ARMC9: variants seen among roughly 807,000 people sequenced by gnomAD.
ARMC9 encodes armadillo repeat containing 9, also known as lisH domain-containing protein ARMC9.
ARMC9 carries 94 observed loss-of-function variants against 107.0 expected under a neutral mutation model. The observed-to-expected ratio is 0.88, with a 90% CI of 0.74 to 1.04. The LOEUF is 1.04. Ranked by LOEUF, ARMC9 falls within the 50% of genes least tolerant of loss-of-function variation. The pLI is 0.00. For missense variants in ARMC9, 942 were observed against 1,030.1 expected, an observed-to-expected ratio of 0.91 and a Z score of 1.17; for synonymous variants, 380 against 396.9, an observed-to-expected ratio of 0.96 and a Z score of 0.51.
intron 5 of ARMC9, among the ~76,000 whole-genome samples, chr2:231,217,781 C>G (rs1417148042): frequency 6.6e-6 from 1 of 152,100 alleles, no homozygotes; most frequent in African/African-American, 2.4e-5. Context: ...ACCTCTGCCT[C>G]CTGGGTTGAA....
chr2:231,348,137 T>C (rs2044885726), intron 21 of ARMC9, among the ~76,000 whole-genome samples: 1 of 152,220 alleles, frequency 6.6e-6, no homozygotes, highest in Non-Finnish European at 1.5e-5. Context: ...AAAAGGACTT[T>C]GCTGATGTGA....
intron 19 of ARMC9, among the ~76,000 whole-genome samples, chr2:231,300,914 G>C (rs1428904358): frequency 1.3e-5 from 2 of 152,128 alleles, no homozygotes; most frequent in Non-Finnish European, 2.9e-5. Flanking sequence ...GAAGGGTGTG[G>C]CCAGCAGGGG....
intron 7 of ARMC9, among the ~76,000 whole-genome samples, chr2:231,229,629 C>T (rs1009893022): frequency 6.6e-6 from 1 of 151,992 alleles, no homozygotes; most frequent in Non-Finnish European, 1.5e-5. Context: ...AGTTTGGAGC[C>T]CTAAACAGTA....
At chr2:231,340,812 C>G (rs888353661) in intron 20 of ARMC9, among the ~76,000 whole-genome samples, 2 of 152,132 alleles carry the variant, frequency 1.3e-5, no homozygotes, top group African/African-American at 4.8e-5. Flanking sequence ...CGCTTGAACC[C>G]GGGAGACGGA....
chr2:231,317,399 G>A (rs927819001), intron 19 of ARMC9, among the ~76,000 whole-genome samples: 7 of 152,226 alleles, frequency 4.6e-5, no homozygotes, highest in South Asian at 4.1e-4. Flanking sequence ...TCGAACACCC[G>A]ACCTGAGGCA....
rs1054720626 is a variant in ARMC9, at chr2:231,355,870, C to G, written c.2067C>G (p.Ala689=). The G allele has an allele frequency of 6.5e-7, 1 of 1,536,014 alleles. No individual in the cohort carries two copies. The highest frequency in any genetic ancestry group is 8.7e-7 in the Non-Finnish European group (1 of 1,146,910). ...ARNGHPQALP[A]AHEAVYREGK... ...ACGGCCACCCGCAGGCCCTGCCAGC[C>G]GCTCACGAGGCTGTCTACAGGGAGG... The change falls in exon 22 of 25, where the codon GCC becomes GCG. Residue 689 remains alanine (A), a synonymous_variant. Coordinates refer to ENST00000611582, the MANE Select transcript of ARMC9 (RefSeq NM_001352754.2).
intron 19 of ARMC9, among the ~76,000 whole-genome samples, chr2:231,328,216 C>G (rs2043464103): frequency 6.6e-6 from 1 of 152,068 alleles, no homozygotes; most frequent in Non-Finnish European, 1.5e-5. Flanking sequence ...GGTGAAATGT[C>G]TCTTCATGTC....
At chr2:231,365,493 C>T (rs2045778448) in intron 23 of ARMC9, among the ~76,000 whole-genome samples, 2 of 152,124 alleles carry the variant, frequency 1.3e-5, no homozygotes, top group South Asian at 4.1e-4. Context: ...TTGCATTAAG[C>T]CCAAAGAAAA....
intron 17 of ARMC9, among the ~76,000 whole-genome samples, chr2:231,290,714 A>G (rs1294507264): frequency 6.6e-6 from 1 of 152,252 alleles, no homozygotes; most frequent in Non-Finnish European, 1.5e-5. Flanking sequence ...TAAACAATGT[A>G]TAGTGTAGTG....
At chr2:231,350,838 G>A (rs1422295661) in intron 21 of ARMC9, among the ~76,000 whole-genome samples, 1 of 150,456 alleles carries the variant, frequency 6.6e-6, no homozygotes, top group Non-Finnish European at 1.5e-5. Flanking sequence ...CTTTTATGAA[G>A]GGCTTGAGAA....
At position 231,311,141 on chromosome 2, in the gene ARMC9, T is replaced by A. The variant is rs2042321342; in HGVS notation, c.1773+14888T>A. Among the ~76,000 whole-genome samples the A allele has an allele frequency of 2.0e-5, 3 of 151,922 alleles. No individual in the cohort carries two copies. In the South Asian group the frequency reaches 6.2e-4, roughly 32 times the overall value. ...AGACTGTGTCTCAAAAAAATAAAAA[T>A]AAAAATAGAAAAAGACAGAAGCATA... On this transcript the variant is annotated intron_variant, in intron 19 of 24. Transcript: ENST00000611582.
chr2:231,248,690 C>T (rs2037001568), intron 9 of ARMC9, among the ~76,000 whole-genome samples: 3 of 151,576 alleles, frequency 2.0e-5, no homozygotes, highest in Admixed American at 1.3e-4. Context: ...ACCTATAATC[C>T]TAGCTACTCA....
intron 3 of ARMC9, among the ~76,000 whole-genome samples, chr2:231,212,027 A>T (rs1282852939): frequency 5.9e-5 from 9 of 152,104 alleles, no homozygotes; most frequent in Admixed American, 2.6e-4. Context: ...AAAGAAAAAT[A>T]AAAAAAATAT....
chr2:231,223,959 G>A (rs1274107866), intron 6 of ARMC9, among the ~76,000 whole-genome samples: 2 of 151,776 alleles, frequency 1.3e-5, no homozygotes, highest in Non-Finnish European at 2.9e-5. Flanking sequence ...ATTTGAATAC[G>A]CTTTAAAAAA....
chr2:231,253,503 T>C (rs1021768761), intron 9 of ARMC9, among the ~76,000 whole-genome samples: 11 of 151,958 alleles, frequency 7.2e-5, no homozygotes, highest in Non-Finnish European at 1.5e-4. Context: ...GCTGAGGTCA[T>C]GCCACTGTAC....
chr2:231,299,758 A>G (rs1004346616), intron 19 of ARMC9, among the ~76,000 whole-genome samples: 6 of 152,156 alleles, frequency 3.9e-5, no homozygotes, highest in African/African-American at 1.2e-4. Context: ...GGAAGAGTCT[A>G]CAGGATGGCA....
chr2:231,340,542 C>G (rs1295659260), intron 20 of ARMC9, among the ~76,000 whole-genome samples: 2 of 152,158 alleles, frequency 1.3e-5, no homozygotes, highest in Non-Finnish European at 2.9e-5. Flanking sequence ...AGATAGCAAT[C>G]ATTTGACTAT....
chr2:231,270,037 G>A (rs187388883), intron 12 of ARMC9, among the ~76,000 whole-genome samples: 2 of 152,154 alleles, frequency 1.3e-5, no homozygotes, highest in Admixed American at 1.3e-4. Flanking sequence ...GGATCTGGGT[G>A]GGCCGTTTGC....
At chr2:231,277,711 C>T (rs2039885451) in intron 15 of ARMC9, among the ~76,000 whole-genome samples, 1 of 151,796 alleles carries the variant, frequency 6.6e-6, no homozygotes, top group Admixed American at 6.6e-5. Context: ...TACAGGTGCC[C>T]ACCACCACAC....
Sources: allele counts gnomAD v4.1 joint callset (sites outside exome capture counted in the v4.1 genomes callset), GRCh38; gene constraint gnomAD v4.1.1; transcripts MANE v1.5; gene names NCBI Gene and HGNC (gene_info 2026-07-23, HGNC 2026-07-21).